Variants in MAPK6 observed in about 807,000 individuals in gnomAD.
The protein encoded by MAPK6 is mitogen-activated protein kinase 6.
A neutral mutation model predicts 59.3 loss-of-function variants in MAPK6; 19 were observed. The observed-to-expected ratio is 0.32, with a 90% CI of 0.22 to 0.47. The LOEUF is 0.47. Among genes scored for constraint, MAPK6 ranks in the 20% least tolerant of loss-of-function variants. MAPK6 has a pLI of 1.00. For synonymous variants in MAPK6, 316 were observed against 290.3 expected, an observed-to-expected ratio of 1.09 and a Z score of -0.90; for missense variants, 724 against 847.9, an observed-to-expected ratio of 0.85 and a Z score of 1.81.
At chr15:52,062,542 A>G (rs1487750492) in intron 5 of MAPK6, among the ~76,000 whole-genome samples, 2 of 151,896 alleles carry the variant, frequency 1.3e-5, no homozygotes, top group Non-Finnish European at 2.9e-5. Flanking sequence ...AGGCAGGCCA[A>G]TTACCTGTGG....
chr15:52,050,558 G>GTA (rs927163841), intron 3 of MAPK6, among the ~76,000 whole-genome samples: 2 of 152,204 alleles, frequency 1.3e-5, no homozygotes, highest in African/African-American at 4.8e-5. Context: ...GAAGTCTAAA[G>GTA]AAGTGTGTGA....
chr15:52,042,382 ACT>A (rs1595993474), intron 1 of MAPK6, among the ~76,000 whole-genome samples: 1 of 152,234 alleles, frequency 6.6e-6, no homozygotes, highest in East Asian at 1.9e-4. Flanking sequence ...CATAGTGATG[ACT>A]CTGCAGTTCT....
chr15:51,982,992 T>C (rs1388147454), intron 1 of MAPK6, among the ~76,000 whole-genome samples: 2 of 152,214 alleles, frequency 1.3e-5, no homozygotes, highest in Non-Finnish European at 2.9e-5. Context: ...TAGTGATGTA[T>C]GGATAAGTTT....
chr15:52,046,408 C>T lies in MAPK6; in HGVS notation c.-53C>T. On this transcript the variant is annotated 5_prime_UTR_variant, in exon 2 of 6. Coordinates refer to ENST00000261845, the MANE Select transcript of MAPK6 (RefSeq NM_002748.4). ...TTTCCTTTTGATGCCAGTTTTCTTCCTTGTTTACACAAGTTCAATTTGAAA... is the reference window on the plus strand; with the variant it reads ...TTTCCTTTTGATGCCAGTTTTCTTCTTTGTTTACACAAGTTCAATTTGAAA... The T allele has an allele frequency of 1.5e-6, 2 of 1,361,636 alleles. No individual in the cohort carries two copies. Among genetic ancestry groups the T allele is most frequent in the Non-Finnish European group, 2.0e-6 (2 of 994,070 alleles). 84.3% of individuals were successfully genotyped at this position (1,361,636 alleles called of 1,614,324 possible).
chr15:52,016,058 GCGCGCGCGCGCGCACACACA>G (rs1241977666), upstream of MAPK6, among the ~76,000 whole-genome samples: 4 of 54,868 alleles, frequency 7.3e-5, no homozygotes, highest in Non-Finnish European at 1.4e-4. Context: ...TCCATCGCGC[GCGCGCGCGCGCGCACACACA>G]CACACACACA....
chr15:51,983,301 A>G (rs2057180332), exon 2 of MAPK6, among the ~76,000 whole-genome samples: 1 of 151,904 alleles, frequency 6.6e-6, no homozygotes, highest in Admixed American at 6.6e-5. Flanking sequence ...AGCCTGACCA[A>G]CATGGAGAAA....
In MAPK6 at chr15:51,997,648, T is replaced by TG. The variant is rs1171139255; in HGVS notation, c.-769-6615dup. Among the ~76,000 whole-genome samples the TG allele has an allele frequency of 2.0e-4, 30 of 148,576 alleles. No individual in the cohort carries two copies. The East Asian group carries it at 2.6e-3, about 13-fold the overall frequency. On this transcript the variant is annotated intron_variant, in intron 2 of 7. Coordinates refer to the MAPK6 transcript ENST00000691380. The stretch of plus-strand genomic sequence containing the variant: ...TCTTGTTGCCCAGGCTGGAATGCAA[T>TG]GGCGTGATCTCGGCTCACTGCAAAC...
At chr15:52,013,614 T>A (rs1473788830) in intron 3 of MAPK6, among the ~76,000 whole-genome samples, 1 of 152,200 alleles carries the variant, frequency 6.6e-6, no homozygotes, top group Non-Finnish European at 1.5e-5. Context: ...ATCTCCTTCC[T>A]CACCTAGTAA....
chr15:52,030,094 T>C (rs1182413632), intron 1 of MAPK6, among the ~76,000 whole-genome samples: 1 of 152,202 alleles, frequency 6.6e-6, no homozygotes, highest in Admixed American at 6.6e-5. Context: ...TGCTCCAAAA[T>C]GCCAAGTTTT....
intron 1 of MAPK6, among the ~76,000 whole-genome samples, chr15:52,030,335 T>C (rs2030978478): frequency 6.6e-6 from 1 of 152,208 alleles, no homozygotes; most frequent in Admixed American, 6.5e-5. Flanking sequence ...TATTCTCTAC[T>C]ATATTGTCAA....
chr15:52,019,929 G>A (rs1364553575), intron 1 of MAPK6: 2 of 153,054 alleles, frequency 1.3e-5, no homozygotes, highest in African/African-American at 2.4e-5. Flanking sequence ...GGCCTCAGCT[G>A]ACTCCGGCCG....
chr15:51,980,163 C>T (rs892540699), intron 1 of MAPK6, among the ~76,000 whole-genome samples: 1 of 151,112 alleles, frequency 6.6e-6, no homozygotes, highest in African/African-American at 2.4e-5. Context: ...GGCGTGGTGG[C>T]GGGCACCTGT....
chr15:51,998,792 G>A (rs1342347972), intron 2 of MAPK6, among the ~76,000 whole-genome samples: 2 of 142,922 alleles, frequency 1.4e-5, no homozygotes, highest in Non-Finnish European at 1.5e-5. Flanking sequence ...CTGGGTTCAC[G>A]CCATTCTCCT....
chr15:52,023,549 T>G (rs2030629091), intron 1 of MAPK6, among the ~76,000 whole-genome samples: 1 of 152,238 alleles, frequency 6.6e-6, no homozygotes, highest in Non-Finnish European at 1.5e-5. Context: ...ATTGATTGGT[T>G]TTTTCACCTC....
intron 2 of MAPK6, among the ~76,000 whole-genome samples, chr15:51,989,513 G>A (rs764501739): frequency 2.0e-5 from 3 of 152,274 alleles, no homozygotes; most frequent in East Asian, 3.9e-4. Context: ...ACACAGGAGA[G>A]CTTCTTCATG....
chr15:52,060,075 A>G (rs576152004), intron 4 of MAPK6, among the ~76,000 whole-genome samples: 179 of 152,228 alleles, frequency 1.2e-3, no homozygotes, highest in African/African-American at 2.7e-3. Flanking sequence ...AGTATACCAT[A>G]TATTTCTCTA....
intron 3 of MAPK6, among the ~76,000 whole-genome samples, chr15:52,052,971 G>A (rs990643359): frequency 2.6e-5 from 4 of 151,958 alleles, no homozygotes; most frequent in African/African-American, 7.3e-5. Flanking sequence ...TCCCAGCGCA[G>A]CTGTACCATT....
At chr15:51,996,740 T>C (rs1416382752) in intron 2 of MAPK6, among the ~76,000 whole-genome samples, 1 of 152,064 alleles carries the variant, frequency 6.6e-6, no homozygotes, top group Non-Finnish European at 1.5e-5. Flanking sequence ...TTTCCCAGGC[T>C]GGAGTGCAGT....
At chr15:52,021,647 C>G (rs1466388077) in intron 1 of MAPK6, 3 of 152,066 alleles carry the variant, frequency 2.0e-5, no homozygotes, top group African/African-American at 7.2e-5. Context: ...AGATTTGTTA[C>G]AGGTTGTTTA....
Sources: allele counts gnomAD v4.1 joint callset (sites outside exome capture counted in the v4.1 genomes callset), GRCh38; gene constraint gnomAD v4.1.1; transcripts MANE v1.5; gene names NCBI Gene and HGNC (gene_info 2026-07-23, HGNC 2026-07-21).